HK1: variants seen among roughly 807,000 people sequenced by gnomAD.
HK1 encodes the protein hexokinase-1.
HK1 carries 28 observed loss-of-function variants against 91.6 expected under a neutral mutation model. That is an observed-to-expected ratio of 0.31 (90% CI 0.23 to 0.42). The LOEUF is 0.42. HK1 is among the 10% of genes least tolerant of loss of function. The pLI, the probability that HK1 is intolerant of heterozygous loss-of-function variation, is 1.00. For missense variants in HK1, 770 were observed against 1,219.8 expected, an observed-to-expected ratio of 0.63 and a Z score of 5.49; for synonymous variants, 430 against 468.1, an observed-to-expected ratio of 0.92 and a Z score of 1.05.
intron 2 of HK1, among the ~76,000 whole-genome samples, chr10:69,356,095 C>G (rs1849110768): frequency 6.6e-6 from 1 of 152,088 alleles, no homozygotes; most frequent in Admixed American, 6.6e-5. Context: ...GCTACAACTC[C>G]AAAAGCACAA....
At chr10:69,399,536 T>G (rs2394561) in intron 17 of HK1, among the ~76,000 whole-genome samples, 8,488 of 152,080 alleles carry the variant, frequency 0.056, 701 homozygotes, top group African/African-American at 0.18. Flanking sequence ...GAAAGGAGGA[T>G]AGCCACTCTC....
At chr10:69,306,190 T>TA (rs1170389066) in intron 5 of HK1, among the ~76,000 whole-genome samples, 3 of 151,368 alleles carry the variant, frequency 2.0e-5, no homozygotes, top group South Asian at 4.2e-4. Flanking sequence ...CCGTCTCTAC[T>TA]AAAAATACAA....
intron 15 of HK1, 141 bp downstream of exon 15, chr10:69,392,449 T>C: frequency 1.2e-6 from 1 of 858,616 alleles, no homozygotes; most frequent in Non-Finnish European, 1.9e-6. Context: ...GGCTCACTCC[T>C]GACCTTTGTC....
chr10:69,389,064 T>G, intron 13 of HK1, 133 bp from the exon 14 acceptor site: 1 of 721,286 alleles, frequency 1.4e-6, no homozygotes, highest in Admixed American at 2.0e-5. Flanking sequence ...ATTACCTTTT[T>G]GTAGGCTGGT....
chr10:69,372,133 G>A (rs7920991), intron 7 of HK1, among the ~76,000 whole-genome samples: 23,464 of 152,150 alleles, frequency 0.15, 3,668 homozygotes, highest in African/African-American at 0.4. Flanking sequence ...AAACCATCAG[G>A]TCTTGTGAGA....
intron 16 of HK1, among the ~76,000 whole-genome samples, chr10:69,395,761 A>G (rs1840106575): frequency 6.6e-6 from 1 of 152,212 alleles, no homozygotes; most frequent in Non-Finnish European, 1.5e-5. Context: ...TCTGAAAGGC[A>G]GCCTGGGGTT....
chr10:69,389,487 C>A, intron 14 of HK1, 191 bp downstream of exon 14: 1 of 630,520 alleles, frequency 1.6e-6, no homozygotes, highest in Non-Finnish European at 2.9e-6. Flanking sequence ...GGTGGGGGGG[C>A]CTTTCTTAAG....
intron 1 of HK1, among the ~76,000 whole-genome samples, chr10:69,275,855 C>T (rs1349256517): frequency 7.9e-5 from 12 of 151,474 alleles, no homozygotes; most frequent in East Asian, 7.8e-4. Flanking sequence ...TTTGGGAGGC[C>T]GAGGCAGGTG....
At chr10:69,345,537 A>C (rs1290151750) in intron 2 of HK1, among the ~76,000 whole-genome samples, 1 of 152,134 alleles carries the variant, frequency 6.6e-6, no homozygotes. Context: ...AGCTGAGAGA[A>C]GAGGAAGGAG....
At chr10:69,358,004 A>C (rs1350228996) in intron 2 of HK1, among the ~76,000 whole-genome samples, 1 of 152,202 alleles carries the variant, frequency 6.6e-6, no homozygotes. Context: ...ATGTGAATTA[A>C]ATTTCAATAA....
chr10:69,365,644 G>A (rs999852697), intron 4 of HK1, among the ~76,000 whole-genome samples: 4 of 152,062 alleles, frequency 2.6e-5, no homozygotes, highest in Non-Finnish European at 5.9e-5. Context: ...TTGGGAGGCC[G>A]AAGCAGAAGG....
chr10:69,303,613 A>T (rs1012056722), intron 5 of HK1, among the ~76,000 whole-genome samples: 1 of 152,010 alleles, frequency 6.6e-6, no homozygotes, highest in South Asian at 2.1e-4. Context: ...TGGCCTCTGG[A>T]TCCGTCACCA....
Position 69,386,406 on chromosome 10 carries a change from A to G in HK1, c.1923A>G (p.Ile641Met), listed in dbSNP as rs1360273858. Residue 641 changes from isoleucine (I) to methionine (M), a missense_variant, in exon 13 of 18, where the codon ATA (isoleucine) becomes ATG (methionine). This residue lies in a region of HK1 where 152 missense variants were observed against 211.1 expected (regional missense o/e 0.72). Coordinates refer to ENST00000359426, the MANE Select transcript of HK1 (RefSeq NM_000188.3). ...TAGTCACCTTACTAAGGGATGCGAT[A>G]AAAAGGAGAGAGGTAACTATTAAAA... is the stretch of plus-strand genomic sequence containing the variant. ...HDVVTLLRDA[I>M]KRREEFDLDV... The G allele has an allele frequency of 6.2e-7, 1 of 1,611,282 alleles. No homozygotes were observed.
upstream of HK1, among the ~76,000 whole-genome samples, chr10:69,312,951 G>A (rs1429570122): frequency 6.6e-6 from 1 of 152,160 alleles, no homozygotes; most frequent in African/African-American, 2.4e-5. Context: ...CACCTCCTTG[G>A]GAGGTGGGAA....
chr10:69,351,006 T>TAAAA (rs71009213), intron 2 of HK1, among the ~76,000 whole-genome samples: 8,331 of 108,330 alleles, frequency 0.077, 389 homozygotes, highest in African/African-American at 0.13. Flanking sequence ...CCGTCTCTAC[T>TAAAA]AAAAAAAAAA....
chr10:69,376,052 T>C (rs1839085336), intron 7 of HK1, among the ~76,000 whole-genome samples: 1 of 152,152 alleles, frequency 6.6e-6, no homozygotes, highest in African/African-American at 2.4e-5. Context: ...TTGATCCTTT[T>C]GGCCGGAGAA....
At chr10:69,395,913 A>G (rs1840113558) in intron 16 of HK1, among the ~76,000 whole-genome samples, 1 of 152,232 alleles carries the variant, frequency 6.6e-6, no homozygotes, top group Admixed American at 6.5e-5. Flanking sequence ...AAAAAGGGTC[A>G]GAAAAAACAA....
chr10:69,378,843 C>A (rs1393955835), intron 8 of HK1, among the ~76,000 whole-genome samples: 1 of 152,196 alleles, frequency 6.6e-6, no homozygotes, highest in East Asian at 1.9e-4. Flanking sequence ...ACCTTAACAT[C>A]CCAAGCTTCC....
rs552532997 is a variant in HK1, at chr10:69,374,404, G to A, written c.876-2530G>A. Among the ~76,000 whole-genome samples the A allele has an allele frequency of 2.6e-5, 4 of 152,356 alleles. 1 individual carries two copies. The highest frequency in any genetic ancestry group is 9.6e-5 in the African/African-American group (4 of 41,584). On this transcript the variant is annotated intron_variant, in intron 7 of 17. Coordinates refer to ENST00000359426, the MANE Select transcript of HK1 (RefSeq NM_000188.3). ...CGCCTCTCACTGCCTGTCTGTGGTCGTAGGTGTCTGACTGCCGAGACACCT... is the reference window on the plus strand; with the variant it reads ...CGCCTCTCACTGCCTGTCTGTGGTCATAGGTGTCTGACTGCCGAGACACCT...
Sources: gnomAD v4.1 joint callset for allele counts (sites outside exome capture counted in the v4.1 genomes callset) on GRCh38, gnomAD v4.1.1 for gene constraint, gnomAD v4.1.1 regional missense constraint, MANE v1.5 for transcripts, NCBI Gene and HGNC (gene_info 2026-07-23, HGNC 2026-07-21) for gene names.